The following DIP2C variants were observed in gnomAD, a reference collection of about 807,000 sequenced individuals.
The protein encoded by DIP2C is DIP2 acetate--CoA ligase C (putative), also known as disco-interacting protein 2 homolog C.
DIP2C carries 33 observed loss-of-function variants against 192.4 expected under a neutral mutation model. The ratio of observed to expected loss-of-function variants is 0.17; its 90% CI spans 0.13 to 0.23. The LOEUF is 0.23. Among genes scored for constraint, DIP2C ranks in the 10% least tolerant of loss-of-function variants. The pLI, the probability that DIP2C is intolerant of heterozygous loss-of-function variation, is 1.00. For synonymous variants in DIP2C, 979 were observed against 864.1 expected, an observed-to-expected ratio of 1.13 and a Z score of -2.33; for missense variants, 1,537 against 2,110.1, an observed-to-expected ratio of 0.73 and a Z score of 5.32.
intron 9 of DIP2C, among the ~76,000 whole-genome samples, chr10:407,749 T>C (rs1964907203): frequency 6.6e-6 from 1 of 152,216 alleles, no homozygotes; most frequent in African/African-American, 2.4e-5. Flanking sequence ...CTCAAGTCTC[T>C]GGCCCATTTA....
intron 2 of DIP2C, chr10:484,917 T>C (rs536242733): frequency 1.9e-6 from 3 of 1,611,472 alleles, no homozygotes; most frequent in East Asian, 4.5e-5. Context: ...TGTGCTGCAG[T>C]CTACACCGAA....
intron 36 of DIP2C, among the ~76,000 whole-genome samples, chr10:279,024 CAGTT>C (rs1188255855): frequency 3.3e-5 from 5 of 152,020 alleles, no homozygotes; most frequent in Non-Finnish European, 7.4e-5. Flanking sequence ...GAGAGTAAGT[CAGTT>C]AGGAAAAAAA....
chr10:297,512 T>A (rs752905086), intron 32 of DIP2C, among the ~76,000 whole-genome samples: 2 of 152,166 alleles, frequency 1.3e-5, no homozygotes, highest in Non-Finnish European at 2.9e-5. Flanking sequence ...TGAAATCCTG[T>A]CATCTGCAGC....
chr10:471,334 A>G (rs1173799209), intron 3 of DIP2C, among the ~76,000 whole-genome samples: 1 of 152,184 alleles, frequency 6.6e-6, no homozygotes, highest in Non-Finnish European at 1.5e-5. Context: ...AGGATGCAGA[A>G]GCAGCTAATC....
chr10:508,739 G>A lies in DIP2C; in HGVS notation c.86-22209C>T, dbSNP rs77627302. On this transcript the variant is annotated intron_variant, in intron 1 of 36. Coordinates refer to ENST00000280886, the MANE Select transcript of DIP2C (RefSeq NM_014974.3). ...TGCTTGCTGCCACCCTAACCGCAGCGTCCAGAAGAAGCCACTTAAAGGCAA... is the reference window on the plus strand; with the variant it reads ...TGCTTGCTGCCACCCTAACCGCAGCATCCAGAAGAAGCCACTTAAAGGCAA... Among the ~76,000 whole-genome samples, 1,155 of 151,576 alleles carry A rather than the reference G, an allele frequency of 7.6e-3. 10 individuals carry two copies. The highest frequency in any genetic ancestry group is 0.027 in the African/African-American group (1,092 of 40,900).
intron 18 of DIP2C, among the ~76,000 whole-genome samples, chr10:367,237 G>A (rs1371289337): frequency 3.3e-5 from 5 of 152,080 alleles, no homozygotes; most frequent in Non-Finnish European, 7.4e-5. Flanking sequence ...CTAACATGGT[G>A]AAACCCCGTC....
chr10:538,403 C>A (rs1847808818), intron 1 of DIP2C, among the ~76,000 whole-genome samples: 2 of 152,210 alleles, frequency 1.3e-5, no homozygotes, highest in Non-Finnish European at 2.9e-5. Context: ...TATCCTTCAG[C>A]CTTGGCCTTC....
At chr10:679,496 C>G (rs1831039215) in intron 1 of DIP2C, among the ~76,000 whole-genome samples, 1 of 47,558 alleles carries the variant, frequency 2.1e-5, no homozygotes, top group Non-Finnish European at 4.5e-5. Context: ...CACCCCTGCT[C>G]CCCACACCCG....
At chr10:530,442 C>T (rs1391450155) in intron 1 of DIP2C, among the ~76,000 whole-genome samples, 2 of 151,994 alleles carry the variant, frequency 1.3e-5, no homozygotes, top group Admixed American at 1.3e-4. Context: ...GGGCCAAGGT[C>T]GTGACACCCC....
At chr10:600,888 A>G (rs762699912) in intron 1 of DIP2C, among the ~76,000 whole-genome samples, 1 of 148,170 alleles carries the variant, frequency 6.7e-6, no homozygotes, top group African/African-American at 2.6e-5. Flanking sequence ...ACAAAGTTGG[A>G]TAATTAAGTT....
At chr10:309,543 G>A (rs1389770178) in intron 32 of DIP2C, among the ~76,000 whole-genome samples, 1 of 151,246 alleles carries the variant, frequency 6.6e-6, no homozygotes, top group Non-Finnish European at 1.5e-5. Context: ...TGCCACTGCT[G>A]TCCTGCAACA....
chr10:615,726 C>T (rs1005804229), intron 1 of DIP2C, among the ~76,000 whole-genome samples: 4 of 152,158 alleles, frequency 2.6e-5, no homozygotes, highest in Admixed American at 6.6e-5. Context: ...CACAGAAACC[C>T]ACTTGGAAGA....
intron 1 of DIP2C, among the ~76,000 whole-genome samples, chr10:573,683 T>TA (rs1480555679): frequency 4.6e-5 from 7 of 151,760 alleles, no homozygotes; most frequent in Non-Finnish European, 1.0e-4. Context: ...GTGCTGGGAT[T>TA]ACAGGCATGA....
intron 1 of DIP2C, among the ~76,000 whole-genome samples, chr10:647,855 G>C (rs935705254): frequency 6.7e-6 from 1 of 149,660 alleles, no homozygotes; most frequent in African/African-American, 2.5e-5. Context: ...TTTGACGGTG[G>C]GAGAGAACAG....
chr10:627,476 C>T (rs919363334), intron 1 of DIP2C, among the ~76,000 whole-genome samples: 5 of 152,214 alleles, frequency 3.3e-5, no homozygotes, highest in African/African-American at 9.7e-5. Flanking sequence ...GGCAACCTCG[C>T]GACATCCAGC....
chr10:532,871 G>C (rs1847499175), intron 1 of DIP2C, among the ~76,000 whole-genome samples: 4 of 152,090 alleles, frequency 2.6e-5, no homozygotes, highest in Admixed American at 2.6e-4. Flanking sequence ...TTCAACTGCA[G>C]CCTCAACCTC....
chr10:309,252 CA>C (rs1956468923), intron 32 of DIP2C, among the ~76,000 whole-genome samples: 1 of 152,086 alleles, frequency 6.6e-6, no homozygotes, highest in African/African-American at 2.4e-5. Flanking sequence ...TGCTCAACCC[CA>C]TGCCTGCTTT....
intron 3 of DIP2C, among the ~76,000 whole-genome samples, chr10:442,144 G>A (rs1967790303): frequency 6.6e-6 from 1 of 152,150 alleles, no homozygotes; most frequent in Non-Finnish European, 1.5e-5. Context: ...AACCAAAATG[G>A]CCAGTGTGAG....
intron 9 of DIP2C, among the ~76,000 whole-genome samples, chr10:401,224 G>A (rs1384210909): frequency 6.6e-6 from 1 of 151,546 alleles, no homozygotes; most frequent in African/African-American, 2.4e-5. Context: ...TTATGGACAA[G>A]TTTGGTACAT....
Sources: allele counts gnomAD v4.1 joint callset (sites outside exome capture counted in the v4.1 genomes callset), GRCh38; gene constraint gnomAD v4.1.1; transcripts MANE v1.5; gene names NCBI Gene and HGNC (gene_info 2026-07-23, HGNC 2026-07-21).